IL19: variants seen among roughly 807,000 people sequenced by gnomAD.
IL19 encodes the protein interleukin-19.
Under a neutral mutation model 19.5 loss-of-function variants are expected in IL19, and 15 were observed. That is an observed-to-expected ratio of 0.77 (90% CI 0.52 to 1.19). The LOEUF (loss-of-function observed/expected upper bound fraction) is 1.19, where lower values mean the gene tolerates loss of function less well. IL19 is among the 50% of genes most tolerant of loss of function. IL19 has a pLI of 0.00. For synonymous variants in IL19, 78 were observed against 78.3 expected (o/e 1.00, Z 0.02); for missense variants, 199 against 213.1 (o/e 0.93, Z 0.41).
chr1:206,777,956 G>GT (rs1397781739), intron 1 of IL19, among the ~76,000 whole-genome samples: 1 of 152,242 alleles, frequency 6.6e-6, no homozygotes, highest in Non-Finnish European at 1.5e-5. Flanking sequence ...AGTGTGGCCA[G>GT]TTTGGGGTGC....
At position 206,842,668 on chromosome 1, in the gene IL19, C is replaced by T. The variant is rs1281020517; in HGVS notation, c.*46C>T. 2.4e-5 allele frequency: 29 copies of T among 1,212,796 alleles called. No individual in the cohort carries two copies. The highest frequency in any genetic ancestry group is 3.2e-5 in the Non-Finnish European group (27 of 841,624). The allele number at this position is 1,212,796 out of a possible 1,614,324, so 75.1% of individuals were successfully genotyped here. ...GATCCAGGGATGAACACCCCCTGTG[C>T]GGTTTACTGTGGGAGACAGCCCACC... On this transcript the variant is annotated 3_prime_UTR_variant, in exon 7 of 7. Coordinates refer to ENST00000659997, the MANE Select transcript of IL19 (RefSeq NM_153758.5).
At chr1:206,771,137 G>A in intron 1 of IL19, 59 bp downstream of exon 1, 3 of 1,495,364 alleles carry the variant, frequency 2.0e-6, no homozygotes, top group Admixed American at 1.7e-5. Context: ...TAGCTTAAGA[G>A]GACAGCTTGG....
intron 2 of IL19, among the ~76,000 whole-genome samples, chr1:206,829,790 C>T (rs1008889227): frequency 6.6e-6 from 1 of 152,152 alleles, no homozygotes; most frequent in Non-Finnish European, 1.5e-5. Context: ...TCTTTCATAA[C>T]ATTTGAACCA....
At chr1:206,836,582 A>C in intron 2 of IL19, 79 bp from the exon 3 acceptor site, 1 of 1,356,510 alleles carries the variant, frequency 7.4e-7, no homozygotes. Context: ...CGAGGCTGGA[A>C]AGGAGCGTCA....
At chr1:206,838,787 TTC>T (rs1226889535) in intron 4 of IL19, among the ~76,000 whole-genome samples, 19 of 116,262 alleles carry the variant, frequency 1.6e-4, no homozygotes, top group African/African-American at 7.0e-4. Flanking sequence ...TTCCCTTCCC[TTC>T]CCTTCCCTTC....
At chr1:206,772,327 G>C (rs1186371398) in intron 1 of IL19, 3 of 1,614,080 alleles carry the variant, frequency 1.9e-6, no homozygotes, top group African/African-American at 1.3e-5. Flanking sequence ...ATGTTAGGCA[G>C]GTTGCCTGGG....
Position 206,830,501 on chromosome 1 carries a change from A to G in IL19, c.-2-6160A>G, listed in dbSNP as rs551754658. ...ATGATCTAGATATATTTACCAAGAC[A>G]TTTAAACATTTATGTATTCTGTTTT... On this transcript the variant is annotated intron_variant, in intron 2 of 6. Coordinates refer to ENST00000659997, the MANE Select transcript of IL19 (RefSeq NM_153758.5). 1.2e-4 allele frequency among the ~76,000 whole-genome samples: 18 copies of G among 152,216 alleles called. No homozygotes were observed. In the South Asian group the frequency reaches 3.7e-3, roughly 32 times the overall value.
intron 1 of IL19, among the ~76,000 whole-genome samples, chr1:206,795,763 C>T (rs1411468442): frequency 6.6e-6 from 1 of 152,182 alleles, no homozygotes; most frequent in Admixed American, 6.5e-5. Context: ...CCATAGCCCA[C>T]TCTTGTTCCA....
At chr1:206,799,600 G>A (rs1675628728) in intron 2 of IL19, among the ~76,000 whole-genome samples, 1 of 152,204 alleles carries the variant, frequency 6.6e-6, no homozygotes, top group Non-Finnish European at 1.5e-5. Flanking sequence ...CAGCTCTAGA[G>A]GCTACCAGTC....
intron 2 of IL19, among the ~76,000 whole-genome samples, chr1:206,830,079 G>A (rs1394122112): frequency 6.6e-6 from 1 of 152,148 alleles, no homozygotes; most frequent in Non-Finnish European, 1.5e-5. Context: ...TTCCTCACAA[G>A]TCTAGGTTCC....
At chr1:206,827,811 A>G (rs1242792935) in intron 2 of IL19, among the ~76,000 whole-genome samples, 1 of 152,188 alleles carries the variant, frequency 6.6e-6, no homozygotes, top group Non-Finnish European at 1.5e-5. Context: ...GTCTGGTGTA[A>G]TGAAGCCCTG....
At chr1:206,794,637 C>T (rs111963167) in intron 1 of IL19, among the ~76,000 whole-genome samples, 2 of 152,174 alleles carry the variant, frequency 1.3e-5, no homozygotes, top group Non-Finnish European at 2.9e-5. Context: ...TCTTTTGATT[C>T]TCATGCCTGA....
intron 5 of IL19, 126 bp from the exon 6 acceptor site, chr1:206,840,876 TGA>T: frequency 2.7e-6 from 2 of 740,084 alleles, no homozygotes; most frequent in Non-Finnish European, 4.8e-6. Flanking sequence ...TGCTCCCACC[TGA>T]GTTTACTCAT....
intron 6 of IL19, 77 bp from the exon 7 acceptor site, chr1:206,842,450 C>T (rs1677047119): frequency 1.2e-6 from 1 of 822,870 alleles, no homozygotes; most frequent in East Asian, 2.7e-5. Context: ...TTGTGGGAAC[C>T]AGCATATGAA....
intron 1 of IL19, among the ~76,000 whole-genome samples, chr1:206,787,163 ATGGCTTCAC>A (rs1675287265): frequency 6.6e-6 from 1 of 152,116 alleles, no homozygotes; most frequent in Non-Finnish European, 1.5e-5. Context: ...ACTTCCACTC[ATGGCTTCAC>A]TGGCCTGCAA....
chr1:206,821,697 C>T (rs1256540577), intron 2 of IL19, among the ~76,000 whole-genome samples: 1 of 152,222 alleles, frequency 6.6e-6, no homozygotes, highest in African/African-American at 2.4e-5. Flanking sequence ...CACCACCTGC[C>T]AGGTGCTTCT....
In IL19 at chr1:206,770,831, G is replaced by T. The variant is rs1021811350; in HGVS notation, c.-396G>T. On this transcript the variant is annotated 5_prime_UTR_variant, in exon 1 of 7. It removes an upstream start codon present in the reference 5' UTR. Transcript: ENST00000659997. The stretch of plus-strand genomic sequence containing the variant: ...CTGTGTCTTTGCTGTGTCTGTGGAT[G>T]TGAGTGTCCCTGCTGGTCTGTAGGA... 2 of 1,374,866 alleles carry T rather than the reference G, an allele frequency of 1.5e-6. No homozygotes were observed. The highest frequency in any genetic ancestry group is 1.4e-5 in the African/African-American group (1 of 70,766). The allele number at this position is 1,374,866 out of a possible 1,614,324, so 85.2% of individuals were successfully genotyped here.
intron 1 of IL19, among the ~76,000 whole-genome samples, chr1:206,790,743 C>T (rs978728886): frequency 6.6e-6 from 1 of 152,172 alleles, no homozygotes; most frequent in African/African-American, 2.4e-5. Context: ...CCCATTGCCC[C>T]CCACTGCCCA....
chr1:206,781,515 G>A (rs1022572799), intron 1 of IL19, among the ~76,000 whole-genome samples: 1 of 151,360 alleles, frequency 6.6e-6, no homozygotes, highest in African/African-American at 2.4e-5. Context: ...GCCCATTCTG[G>A]TCCTTACCTC....
Sources: allele counts gnomAD v4.1 joint callset (sites outside exome capture counted in the v4.1 genomes callset), GRCh38; gene constraint gnomAD v4.1.1; transcripts MANE v1.5; gene names NCBI Gene and HGNC (gene_info 2026-07-23, HGNC 2026-07-21).